Variants in TINAG observed in about 807,000 individuals in gnomAD.
The protein encoded by TINAG is tubulointerstitial nephritis antigen.
A neutral mutation model predicts 72.7 loss-of-function variants in TINAG; 83 were observed. That is an observed-to-expected ratio of 1.14 (90% CI 0.96 to 1.37). The LOEUF (loss-of-function observed/expected upper bound fraction) is 1.37, where lower values mean the gene tolerates loss of function less well. Ranked by LOEUF, TINAG falls within the 40% of genes most tolerant of loss-of-function variation. The pLI is 0.00. For missense variants in TINAG, 685 were observed against 576.6 expected, an observed-to-expected ratio of 1.19 and a Z score of -1.93; for synonymous variants, 234 against 189.9, an observed-to-expected ratio of 1.23 and a Z score of -1.91.
In TINAG at chr6:54,326,893, C is replaced by T. The variant is rs141589793; in HGVS notation, c.601C>T (p.Leu201Phe). The T allele has an allele frequency of 1.5e-5, 24 of 1,612,454 alleles. No individual in the cohort carries two copies. Among genetic ancestry groups the T allele is most frequent in the Non-Finnish European group, 1.8e-5 (21 of 1,179,740 alleles). The stretch of plus-strand genomic sequence containing the variant: ...TGGCACTTTGCCACCTAGTCCCATG[C>T]TCCTGAGCATGAATGAAATGACAGT... ...RLGTLPPSPM[L>F]LSMNEMTASL... Residue 201 changes from leucine to phenylalanine, a missense_variant, in exon 4 of 11, where the codon CTC becomes TTC. By Grantham distance (22) the Leu-to-Phe change is conservative. Transcript: ENST00000259782.
At position 54,378,721 on chromosome 6, in the gene TINAG, A is replaced by G. The variant is rs559724211; in HGVS notation, c.1251-1805A>G. On this transcript the variant is annotated intron_variant, in intron 9 of 10. Coordinates refer to ENST00000259782, the MANE Select transcript of TINAG (RefSeq NM_014464.4). ...TTCTGAAGTGCCTCTTCTCCTTTGT[A>G]TGACTTTTCTATTTCTTCTTCTTTC... Among the ~76,000 whole-genome samples, 11 of 152,252 alleles carry G rather than the reference A, an allele frequency of 7.2e-5. No homozygotes were observed. The South Asian group carries it at 2.3e-3, about 32-fold the overall frequency.
chr6:54,309,843 T>C lies in TINAG; in HGVS notation c.355+938T>C, dbSNP rs969566495. 8.8e-5 allele frequency among the ~76,000 whole-genome samples: 5 copies of C among 56,694 alleles called. No individual in the cohort carries two copies. In the East Asian group the frequency reaches 1.4e-3, roughly 16 times the overall value. The allele number at this position is 56,694 out of a possible 152,430, so 37.2% of individuals were successfully genotyped here. A position where few individuals can be genotyped will look rare whatever the true frequency, so the allele number is the denominator to read the frequency against. On this transcript the variant is annotated intron_variant, in intron 1 of 10. Coordinates refer to ENST00000259782, the MANE Select transcript of TINAG (RefSeq NM_014464.4). ...TTTAAAGAGTCAGAGCAAGACTGTG[T>C]CAAAAAAAAAAAAAAAATCCAGATG... is the stretch of plus-strand genomic sequence containing the variant.
At chr6:54,359,216 C>G (rs1244011615) in intron 9 of TINAG, among the ~76,000 whole-genome samples, 1 of 151,782 alleles carries the variant, frequency 6.6e-6, no homozygotes, top group Non-Finnish European at 1.5e-5. Flanking sequence ...TTAACAGTGT[C>G]ACTGTAACTG....
chr6:54,322,254 G>C (rs1471645392), intron 3 of TINAG, among the ~76,000 whole-genome samples: 3 of 152,216 alleles, frequency 2.0e-5, no homozygotes, highest in Middle Eastern at 6.8e-3. Flanking sequence ...GTTGCAGTGA[G>C]CCGAGATTGC....
At chr6:54,322,336 A>G (rs569489247) in intron 3 of TINAG, among the ~76,000 whole-genome samples, 2 of 151,384 alleles carry the variant, frequency 1.3e-5, no homozygotes, top group South Asian at 4.2e-4. Flanking sequence ...AAACAAACAA[A>G]AAAAAAACAA....
intron 9 of TINAG, among the ~76,000 whole-genome samples, chr6:54,355,207 G>A (rs1165146015): frequency 6.6e-6 from 1 of 151,832 alleles, no homozygotes; most frequent in African/African-American, 2.4e-5. Flanking sequence ...AGACAGTGTG[G>A]TTATGAGACC....
At chr6:54,355,165 T>C (rs1200526778) in intron 9 of TINAG, among the ~76,000 whole-genome samples, 1 of 151,696 alleles carries the variant, frequency 6.6e-6, no homozygotes, top group Non-Finnish European at 1.5e-5. Context: ...ATTTCAAGAG[T>C]GAGTAATTTT....
In TINAG at chr6:54,389,764, CT is replaced by C. The variant is rs746044704; in HGVS notation, c.1297-21del. ...AAAAATACCAAAGTATGTTTCTCAA[CT>C]TTTTTGTTTGTTTGTTTTTCTGCAG... On this transcript the variant is annotated intron_variant, in intron 10 of 10. Transcript: ENST00000259782. 7 of 1,561,016 alleles carry C rather than the reference CT, an allele frequency of 4.5e-6. No individual in the cohort carries two copies. The East Asian group carries it at 1.6e-4, about 36-fold the overall frequency.
intron 9 of TINAG, among the ~76,000 whole-genome samples, chr6:54,367,795 CACA>C (rs1395678174): frequency 1.3e-5 from 2 of 151,822 alleles, no homozygotes; most frequent in East Asian, 3.9e-4. Context: ...GGGTGACCTA[CACA>C]ACATTTATTT....
intron 10 of TINAG, among the ~76,000 whole-genome samples, chr6:54,386,305 C>T (rs1430959979): frequency 6.6e-6 from 1 of 152,164 alleles, no homozygotes; most frequent in Non-Finnish European, 1.5e-5. Flanking sequence ...CATTTATTAT[C>T]GCAGTGTTTC....
intron 5 of TINAG, among the ~76,000 whole-genome samples, chr6:54,343,820 T>A (rs1562163076): frequency 6.6e-6 from 1 of 152,160 alleles, no homozygotes; most frequent in Non-Finnish European, 1.5e-5. Flanking sequence ...AAATGGATTT[T>A]ATTTCATTTT....
intron 9 of TINAG, among the ~76,000 whole-genome samples, chr6:54,360,097 G>A (rs1182950567): frequency 6.6e-6 from 1 of 151,684 alleles, no homozygotes; most frequent in African/African-American, 2.4e-5. Context: ...GGAGTTTAGC[G>A]GGTGAGGCAG....
chr6:54,329,645 G>T (rs1272693830), intron 4 of TINAG, among the ~76,000 whole-genome samples: 1 of 151,978 alleles, frequency 6.6e-6, no homozygotes, highest in Non-Finnish European at 1.5e-5. Context: ...ATGTAAATGG[G>T]CTAAATTCCC....
upstream of TINAG, chr6:54,307,910 T>C: frequency 2.4e-6 from 2 of 823,096 alleles, no homozygotes; most frequent in African/African-American, 1.7e-5. Flanking sequence ...AAGGTCACCC[T>C]CAGGGAATTT....
intron 10 of TINAG, among the ~76,000 whole-genome samples, chr6:54,381,400 A>G (rs1296007173): frequency 6.6e-6 from 1 of 151,722 alleles, no homozygotes; most frequent in Non-Finnish European, 1.5e-5. Flanking sequence ...GGTAATACTT[A>G]CCATGGAATT....
At chr6:54,351,933 T>C (rs777144698) in intron 8 of TINAG, among the ~76,000 whole-genome samples, 18 of 151,934 alleles carry the variant, frequency 1.2e-4, no homozygotes, top group Non-Finnish European at 2.2e-4. Context: ...AAATGTTTTA[T>C]TTAGAGTAAC....
intron 4 of TINAG, among the ~76,000 whole-genome samples, chr6:54,338,032 T>C (rs1165536488): frequency 6.6e-6 from 1 of 152,154 alleles, no homozygotes; most frequent in Non-Finnish European, 1.5e-5. Flanking sequence ...ACTACTTCTG[T>C]CTCTCTCAGA....
intron 9 of TINAG, among the ~76,000 whole-genome samples, chr6:54,372,776 A>ACG (rs1763669196): frequency 8.4e-6 from 1 of 119,174 alleles, no homozygotes; most frequent in African/African-American, 3.2e-5. Flanking sequence ...ATATATACAC[A>ACG]CACACACACA....
At chr6:54,366,991 T>C (rs568368090) in intron 9 of TINAG, 2 of 151,844 alleles carry the variant, frequency 1.3e-5, no homozygotes, top group Admixed American at 1.3e-4. Flanking sequence ...TTCTATTTAA[T>C]GATGACTACT....
Sources: allele counts gnomAD v4.1 joint callset (sites outside exome capture counted in the v4.1 genomes callset), GRCh38; gene constraint gnomAD v4.1.1; transcripts MANE v1.5; gene names NCBI Gene and HGNC (gene_info 2026-07-23, HGNC 2026-07-21).